RIT2: variants seen among roughly 807,000 people sequenced by gnomAD.
RIT2 encodes Ras like without CAAX 2.
RIT2 carries 24 observed loss-of-function variants against 23.7 expected under a neutral mutation model. The ratio of observed to expected loss-of-function variants is 1.01; its 90% CI spans 0.73 to 1.43. RIT2 has a LOEUF of 1.43. RIT2 is among the 40% of genes most tolerant of loss of function. RIT2 has a pLI of 0.00. For missense variants in RIT2, 236 were observed against 266.9 expected, an observed-to-expected ratio of 0.88 and a Z score of 0.81; for synonymous variants, 107 against 91.1, an observed-to-expected ratio of 1.17 and a Z score of -0.99.
intron 2 of RIT2, among the ~76,000 whole-genome samples, chr18:43,002,598 A>G (rs1911132768): frequency 6.6e-6 from 1 of 151,926 alleles, no homozygotes; most frequent in Non-Finnish European, 1.5e-5. Context: ...TAGTCCCTGC[A>G]AGGTATCCAG....
At chr18:43,089,594 A>T (rs1185367122) in intron 1 of RIT2, among the ~76,000 whole-genome samples, 2 of 152,054 alleles carry the variant, frequency 1.3e-5, no homozygotes, top group East Asian at 3.9e-4. Context: ...AAAAAATAAA[A>T]AAAAAAATAA....
At chr18:42,998,901 C>T (rs915988998) in intron 2 of RIT2, among the ~76,000 whole-genome samples, 1 of 152,052 alleles carries the variant, frequency 6.6e-6, no homozygotes, top group Non-Finnish European at 1.5e-5. Context: ...GTAGCATAGA[C>T]TGTAAGTGTC....
chr18:42,815,040 C>T (rs933340386), intron 4 of RIT2, among the ~76,000 whole-genome samples: 2 of 152,126 alleles, frequency 1.3e-5, no homozygotes, highest in African/African-American at 2.4e-5. Context: ...AGCCCTAGAC[C>T]GTTTCTCTGA....
intron 3 of RIT2, among the ~76,000 whole-genome samples, chr18:42,954,487 A>G (rs1909927087): frequency 6.6e-6 from 1 of 152,092 alleles, no homozygotes; most frequent in Non-Finnish European, 1.5e-5. Context: ...CTTCCAAAAA[A>G]GAAAATAGAG....
chr18:43,016,563 C>T (rs1204409364), intron 2 of RIT2, among the ~76,000 whole-genome samples: 1 of 151,618 alleles, frequency 6.6e-6, no homozygotes, highest in African/African-American at 2.4e-5. Context: ...CGTTTTATCC[C>T]CCCACCCTCT....
chr18:42,948,090 C>A (rs2144168299), intron 3 of RIT2, among the ~76,000 whole-genome samples: 1 of 152,168 alleles, frequency 6.6e-6, no homozygotes, highest in African/African-American at 2.4e-5. Context: ...ATACACCATA[C>A]CTCCTACCGT....
chr18:42,793,291 T>C (rs942946331), intron 4 of RIT2, among the ~76,000 whole-genome samples: 1 of 152,220 alleles, frequency 6.6e-6, no homozygotes, highest in Non-Finnish European at 1.5e-5. Flanking sequence ...TTTCCCCCTA[T>C]ACTGCCAGAC....
intron 4 of RIT2, among the ~76,000 whole-genome samples, chr18:42,845,190 G>C (rs759065609): frequency 7.2e-5 from 11 of 151,912 alleles, no homozygotes; most frequent in Non-Finnish European, 1.5e-4. Flanking sequence ...TAAAATGGAA[G>C]AGATTTTTCA....
intron 4 of RIT2, among the ~76,000 whole-genome samples, chr18:42,801,768 C>T (rs1905545888): frequency 6.6e-6 from 1 of 152,174 alleles, no homozygotes; most frequent in Non-Finnish European, 1.5e-5. Context: ...ATACCCATCT[C>T]CTGAGTTACA....
At chr18:43,096,242 T>C (rs975637217) in intron 1 of RIT2, among the ~76,000 whole-genome samples, 33 of 151,878 alleles carry the variant, frequency 2.2e-4, no homozygotes, top group Non-Finnish European at 2.9e-5. Context: ...CAGACACAGA[T>C]GAATTGAATG....
intron 4 of RIT2, among the ~76,000 whole-genome samples, chr18:42,868,167 T>G (rs1250124794): frequency 6.6e-6 from 1 of 152,220 alleles, no homozygotes; most frequent in African/African-American, 2.4e-5. Flanking sequence ...TTTCCACACA[T>G]TCTTTTTTAA....
intron 1 of RIT2, among the ~76,000 whole-genome samples, chr18:43,035,750 A>G (rs969792834): frequency 6.6e-6 from 1 of 152,126 alleles, no homozygotes; most frequent in Non-Finnish European, 1.5e-5. Context: ...ATTTCTTAGT[A>G]ATTTTTCCAT....
chr18:43,068,534 A>G (rs1912822456), intron 1 of RIT2, among the ~76,000 whole-genome samples: 1 of 152,110 alleles, frequency 6.6e-6, no homozygotes, highest in Non-Finnish European at 1.5e-5. Flanking sequence ...TCCATAGCAA[A>G]CCAGGAGGCA....
intron 4 of RIT2, among the ~76,000 whole-genome samples, chr18:42,771,523 A>C (rs906552062): frequency 1.3e-5 from 2 of 152,138 alleles, no homozygotes; most frequent in Non-Finnish European, 2.9e-5. Flanking sequence ...GCATCAGTTT[A>C]GCTGTTTTTG....
At position 42,856,825 on chromosome 18, in the gene RIT2, C is replaced by CTTTTTTTTTT. The variant is rs760595125; in HGVS notation, c.426+66746_426+66747insAAAAAAAAAA. 3.6e-3 allele frequency among the ~76,000 whole-genome samples: 466 copies of CTTTTTTTTTT among 127,772 alleles called. 16 individuals are homozygous for CTTTTTTTTTT. The highest frequency in any genetic ancestry group is 0.015 in the African/African-American group (450 of 30,620). 83.8% of individuals were successfully genotyped at this position (127,772 alleles called of 152,430 possible). A position where few individuals can be genotyped will look rare whatever the true frequency, so the allele number is the denominator to read the frequency against. The stretch of plus-strand genomic sequence containing the variant: ...AGAAGTCTTTTTCTTTTCTCTCTCT[C>CTTTTTTTTTT]TCTTTTTTTTTTTTTTTTTTTTGAG... On this transcript the variant is annotated intron_variant, in intron 4 of 4. Transcript: ENST00000326695.
At chr18:43,052,744 C>G (rs956077512) in intron 1 of RIT2, among the ~76,000 whole-genome samples, 2 of 152,214 alleles carry the variant, frequency 1.3e-5, no homozygotes, top group South Asian at 4.1e-4. Flanking sequence ...TCCTCCCAGT[C>G]TTTAATGACA....
intron 2 of RIT2, among the ~76,000 whole-genome samples, chr18:43,017,841 A>T (rs1177704250): frequency 6.6e-6 from 1 of 152,068 alleles, no homozygotes; most frequent in East Asian, 1.9e-4. Context: ...AGCCAGATGC[A>T]TCAAACATCC....
At chr18:42,880,518 G>T (rs776847885) in intron 4 of RIT2, among the ~76,000 whole-genome samples, 1 of 151,956 alleles carries the variant, frequency 6.6e-6, no homozygotes, top group Non-Finnish European at 1.5e-5. Context: ...TGTGGCATCC[G>T]CATTATTGAT....
rs1049091187 is a variant in RIT2, at chr18:42,795,557, C to T, written c.427-51837G>A. Among the ~76,000 whole-genome samples, 5 of 152,328 alleles carry T rather than the reference C, an allele frequency of 3.3e-5. No homozygotes were observed. In the South Asian group the frequency reaches 8.3e-4, roughly 25 times the overall value. On this transcript the variant is annotated intron_variant, in intron 4 of 4. Transcript: ENST00000326695. ...TGTGCGCCTGAGCCTCCCGGATGAG[C>T]GCAGCCCCCTGCTCCACGGCGCCCA...
Sources: gnomAD v4.1 joint callset for allele counts (sites outside exome capture counted in the v4.1 genomes callset) on GRCh38, gnomAD v4.1.1 for gene constraint, MANE v1.5 for transcripts, NCBI Gene and HGNC (gene_info 2026-07-23, HGNC 2026-07-21) for gene names.